Variants in KNTC1 observed in about 807,000 individuals in gnomAD.
The protein encoded by KNTC1 is kinetochore associated 1.
A neutral mutation model predicts 314.4 loss-of-function variants in KNTC1; 253 were observed. The ratio of observed to expected loss-of-function variants is 0.80; its 90% CI spans 0.73 to 0.89. The LOEUF (loss-of-function observed/expected upper bound fraction) is 0.89, where lower values mean the gene tolerates loss of function less well. Ranked by LOEUF, KNTC1 falls within the 40% of genes least tolerant of loss-of-function variation. KNTC1 has a pLI of 0.00. For missense variants in KNTC1, 2,475 were observed against 2,572.9 expected (o/e 0.96, Z 0.82); for synonymous variants, 901 against 901.4 (o/e 1.00, Z 0.01).
At chr12:122,574,481 A>T in intron 27 of KNTC1, 101 bp downstream of exon 27, 1 of 706,710 alleles carries the variant, frequency 1.4e-6, no homozygotes. Flanking sequence ...TTTTTGTTTG[A>T]GATGGGTCTG....
At chr12:122,579,527 G>T (rs1041359769) in intron 31 of KNTC1, among the ~76,000 whole-genome samples, 1 of 151,792 alleles carries the variant, frequency 6.6e-6, no homozygotes, top group African/African-American at 2.4e-5. Context: ...ATAATCACTG[G>T]AAGGTAGTGA....
At chr12:122,578,993 A>G (rs547763710) in intron 31 of KNTC1, among the ~76,000 whole-genome samples, 10 of 145,278 alleles carry the variant, frequency 6.9e-5, no homozygotes, top group South Asian at 2.2e-4. Flanking sequence ...GCAGAACCTC[A>G]GCTCAAACTG....
At chr12:122,577,054 T>A (rs750110272) in intron 30 of KNTC1, 25 bp downstream of exon 30, 20 of 1,464,772 alleles carry the variant, frequency 1.4e-5, no homozygotes, top group Non-Finnish European at 1.8e-5. Flanking sequence ...TGTTGTCATT[T>A]CATATGGCTT....
chr12:122,547,812 C>G (rs1204724525), intron 11 of KNTC1, 103 bp from the exon 12 acceptor site: 10 of 668,662 alleles, frequency 1.5e-5, no homozygotes, highest in African/African-American at 3.7e-5. Context: ...TAGTTTATAT[C>G]TTGTAATTGG....
intron 40 of KNTC1, among the ~76,000 whole-genome samples, chr12:122,589,166 T>C (rs1487653876): frequency 5.3e-5 from 8 of 152,024 alleles, no homozygotes; most frequent in Non-Finnish European, 1.0e-4. Flanking sequence ...GTTCTAGTTA[T>C]CCTCCTGCCT....
rs940033387 is a variant in KNTC1, at chr12:122,543,769, C to T, written c.558+135C>T. 6 of 612,204 alleles carry T rather than the reference C, an allele frequency of 9.8e-6. No individual in the cohort carries two copies. In the Admixed American group the frequency reaches 1.8e-4, roughly 18 times the overall value. The allele number at this position is 612,204 out of a possible 1,614,324, so 37.9% of individuals were successfully genotyped here. On this transcript the variant is annotated intron_variant, in intron 7 of 63. Coordinates refer to ENST00000333479, the MANE Select transcript of KNTC1 (RefSeq NM_014708.6). ...ATGATATAACATTTTAATAACATTT[C>T]TATTTAAAAATACATTTATGCCCGT...
intron 37 of KNTC1, 57 bp from the exon 38 acceptor site, chr12:122,586,644 G>T: frequency 1.3e-6 from 1 of 765,312 alleles, no homozygotes; most frequent in Non-Finnish European, 2.0e-6. Context: ...GATGAAGTCT[G>T]GGCTTTTAGT....
At chr12:122,580,080 G>C (rs879689922) in intron 32 of KNTC1, 103 bp downstream of exon 32, 1 of 722,250 alleles carries the variant, frequency 1.4e-6, no homozygotes, top group Non-Finnish European at 2.4e-6. Context: ...AGTTTTTCTG[G>C]TTCTGATTGT....
In KNTC1 at chr12:122,605,383, A is replaced by G; in HGVS notation, c.5464A>G (p.Lys1822Glu). 2.5e-6 allele frequency: 4 copies of G among 1,602,104 alleles called. No individual in the cohort carries two copies. The highest frequency in any genetic ancestry group is 3.4e-6 in the Non-Finnish European group (4 of 1,173,548). Residue 1822 changes from lysine (K) to glutamate (E), a missense_variant, in exon 51 of 64, where the codon AAA becomes GAA. Coordinates refer to ENST00000333479, the MANE Select transcript of KNTC1 (RefSeq NM_014708.6). ...LEKVWDMLLE[K>E]WLCPSTKPGE... The stretch of plus-strand genomic sequence containing the variant: ...AAAAGTCTGGGACATGTTGTTGGAA[A>G]AATGGCTATGCCCTTCAACAAAACC...
chr12:122,550,511 T>C (rs1262518472), intron 13 of KNTC1, among the ~76,000 whole-genome samples: 1 of 152,154 alleles, frequency 6.6e-6, no homozygotes, highest in African/African-American at 2.4e-5. Context: ...TTGTTGTTGT[T>C]GTTGTTGTCG....
intron 53 of KNTC1, 166 bp downstream of exon 53, chr12:122,611,066 A>G (rs1873063963): frequency 3.2e-6 from 2 of 618,058 alleles, no homozygotes; most frequent in East Asian, 2.8e-5. Context: ...GTCTTGCACC[A>G]TGCTCCATTT....
At position 122,576,926 on chromosome 12, in the gene KNTC1, TC is replaced by T; in HGVS notation, c.2621del (p.Pro874HisfsTer4). ...RVVRYILKQD[V>X]PSSLEDALKV... ...GTTAGATACATTCTCAAACAAGATG[TC>T]CCATCTTCTTTAGAAGATGCTTTAA... On this transcript the variant is annotated frameshift_variant, in exon 30 of 64. Coordinates refer to ENST00000333479, the MANE Select transcript of KNTC1 (RefSeq NM_014708.6). LOFTEE classifies it high-confidence loss of function. The T allele has an allele frequency of 6.3e-7, 1 of 1,592,096 alleles. No individual in the cohort carries two copies. The highest frequency in any genetic ancestry group is 1.1e-5 in the South Asian group (1 of 87,084).
intron 2 of KNTC1, among the ~76,000 whole-genome samples, chr12:122,534,086 ACT>A (rs1255845072): frequency 2.6e-5 from 4 of 152,098 alleles, no homozygotes; most frequent in Non-Finnish European, 5.9e-5. Flanking sequence ...AATACTGGAG[ACT>A]CTGATTTGGC....
intron 12 of KNTC1, among the ~76,000 whole-genome samples, chr12:122,548,277 C>T (rs900305772): frequency 8.5e-5 from 13 of 152,192 alleles, no homozygotes; most frequent in African/African-American, 2.9e-4. Context: ...GGCACAATCT[C>T]GGCTCACTGC....
At chr12:122,602,179 A>G (rs1454227982) in intron 45 of KNTC1, among the ~76,000 whole-genome samples, 1 of 152,010 alleles carries the variant, frequency 6.6e-6, no homozygotes, top group African/African-American at 2.4e-5. Context: ...AAGATTATAC[A>G]AAGTGTCCTA....
At chr12:122,589,087 G>GTT (rs1329723246) in intron 40 of KNTC1, among the ~76,000 whole-genome samples, 1 of 151,588 alleles carries the variant, frequency 6.6e-6, no homozygotes, top group East Asian at 1.9e-4. Context: ...TAGAGATGAG[G>GTT]TTTTTCTCTG....
At chr12:122,595,303 G>A (rs1181144386) in intron 43 of KNTC1, among the ~76,000 whole-genome samples, 2 of 152,174 alleles carry the variant, frequency 1.3e-5, no homozygotes, top group African/African-American at 4.8e-5. Flanking sequence ...CTCGTTTTCT[G>A]GTTTCAGAAT....
At chr12:122,612,332 C>T (rs1456014557) in intron 53 of KNTC1, among the ~76,000 whole-genome samples, 3 of 151,790 alleles carry the variant, frequency 2.0e-5, no homozygotes, top group South Asian at 4.2e-4. Flanking sequence ...TCCCAAAGTG[C>T]TGGGATTACA....
At chr12:122,536,285 T>G (rs2137672132) in intron 3 of KNTC1, among the ~76,000 whole-genome samples, 1 of 151,242 alleles carries the variant, frequency 6.6e-6, no homozygotes, top group South Asian at 2.1e-4. Flanking sequence ...CGGAGTGTGG[T>G]GGCATGATGT....
Sources: gnomAD v4.1 joint callset for allele counts (sites outside exome capture counted in the v4.1 genomes callset) on GRCh38, gnomAD v4.1.1 for gene constraint, MANE v1.5 for transcripts, NCBI Gene and HGNC (gene_info 2026-07-23, HGNC 2026-07-21) for gene names.